C12orf56: variants seen among roughly 807,000 people sequenced by gnomAD.
The protein encoded by C12orf56 is chromosome 12 open reading frame 56, also known as uncharacterized protein C12orf56.
Under a neutral mutation model 69.9 loss-of-function variants are expected in C12orf56, and 71 were observed. The ratio of observed to expected loss-of-function variants is 1.02; its 90% CI spans 0.84 to 1.24. The LOEUF (loss-of-function observed/expected upper bound fraction) is 1.24. C12orf56 is among the 50% of genes most tolerant of loss of function. The probability of loss-of-function intolerance (pLI) is 0.00; values close to 1 mark genes in which losing one functional copy is unlikely to be tolerated. For missense variants in C12orf56, 732 were observed against 738.5 expected (o/e 0.99, Z 0.10); for synonymous variants, 276 against 274.1 (o/e 1.01, Z -0.07).
At chr12:64,375,333 G>A (rs1020775691) in intron 1 of C12orf56, among the ~76,000 whole-genome samples, 2 of 152,170 alleles carry the variant, frequency 1.3e-5, no homozygotes, top group African/African-American at 4.8e-5. Context: ...GGGATTACAG[G>A]CATGAGCCAC....
At chr12:64,330,524 T>G (rs113192600) in intron 3 of C12orf56, among the ~76,000 whole-genome samples, 4 of 152,292 alleles carry the variant, frequency 2.6e-5, no homozygotes, top group African/African-American at 9.6e-5. Context: ...TTGCTCAGAC[T>G]CATTCAGGAC....
intron 1 of C12orf56, among the ~76,000 whole-genome samples, chr12:64,353,409 G>A (rs557190362): frequency 7.1e-4 from 107 of 151,692 alleles, no homozygotes; most frequent in African/African-American, 2.5e-3. Flanking sequence ...CGCCCACCTC[G>A]GCCTCCCACA....
At chr12:64,383,038 C>T (rs537886870) in intron 1 of C12orf56, among the ~76,000 whole-genome samples, 9 of 149,860 alleles carry the variant, frequency 6.0e-5, no homozygotes, top group Admixed American at 2.0e-4. Context: ...GATCTCTGGC[C>T]GGGCGCAGTG....
intron 1 of C12orf56, among the ~76,000 whole-genome samples, chr12:64,371,102 T>C (rs1323403383): frequency 2.6e-5 from 4 of 152,120 alleles, no homozygotes; most frequent in Admixed American, 6.6e-5. Context: ...CAAGGATATG[T>C]TGGAAAAACT....
intron 12 of C12orf56, among the ~76,000 whole-genome samples, chr12:64,269,671 C>A (rs1196156045): frequency 6.6e-6 from 1 of 151,992 alleles, no homozygotes; most frequent in East Asian, 1.9e-4. Context: ...TCACTGCAAC[C>A]TCTGCCTCCT....
chr12:64,328,704 A>T (rs1216096557), intron 3 of C12orf56, among the ~76,000 whole-genome samples: 37 of 37,224 alleles, frequency 9.9e-4, no homozygotes, highest in African/African-American at 3.4e-3. Context: ...AAAAAAAAAA[A>T]AAATATATAT....
At chr12:64,379,153 A>G (rs779943580) in intron 1 of C12orf56, among the ~76,000 whole-genome samples, 1 of 152,094 alleles carries the variant, frequency 6.6e-6, no homozygotes, top group Non-Finnish European at 1.5e-5. Context: ...TGAAGCATTG[A>G]GACTTTGGGG....
chr12:64,333,822 C>T (rs996396930), intron 2 of C12orf56, among the ~76,000 whole-genome samples: 1 of 152,096 alleles, frequency 6.6e-6, no homozygotes, highest in African/African-American at 2.4e-5. Context: ...TTAAATTTCA[C>T]TTTGTAATAA....
intron 2 of C12orf56, among the ~76,000 whole-genome samples, chr12:64,336,171 T>C (rs2038994064): frequency 6.6e-6 from 1 of 152,184 alleles, no homozygotes; most frequent in East Asian, 1.9e-4. Flanking sequence ...GCATTACTGT[T>C]GGCATAATGG....
chr12:64,382,193 C>T (rs573019248), intron 1 of C12orf56, among the ~76,000 whole-genome samples: 13 of 143,360 alleles, frequency 9.1e-5, no homozygotes, highest in South Asian at 2.3e-4. Context: ...AACCAGGAGG[C>T]GGAGTTTATA....
At chr12:64,370,967 T>C (rs2039562687) in intron 1 of C12orf56, among the ~76,000 whole-genome samples, 1 of 151,748 alleles carries the variant, frequency 6.6e-6, no homozygotes, top group Non-Finnish European at 1.5e-5. Context: ...ACCACTACAC[T>C]CCACATTGGG....
In C12orf56 at chr12:64,286,031, G is replaced by A. The variant is rs142365723; in HGVS notation, c.1143C>T (p.Asn381=). The change falls in exon 7 of 13, where the codon AAC becomes AAT. Residue 381 remains asparagine (N), a synonymous_variant. Transcript: ENST00000543942. ...ACTCCGGCAAGTACTCATGAAGTTT[G>A]TTTACTATGAAATAGAAAAGGTCAC... ...KTSDLFYFIV[N]KLHEYLPESR... 267 of 1,608,168 alleles carry A rather than the reference G, an allele frequency of 1.7e-4. 1 individual carries two copies. In the African/African-American group the frequency reaches 3.1e-3, roughly 19 times the overall value.
chr12:64,318,943 T>A lies in C12orf56; in HGVS notation c.526A>T (p.Thr176Ser), dbSNP rs76626278. The A allele has an allele frequency of 2.6e-4, 404 of 1,532,718 alleles. 1 individual carries two copies. The African/African-American group carries it at 5.2e-3, about 20-fold the overall frequency. The allele number at this position is 1,532,718 out of a possible 1,614,324, so 94.9% of individuals were successfully genotyped here. A position where few individuals can be genotyped will look rare whatever the true frequency, so the allele number is the denominator to read the frequency against. ...TTGAGGCCTGGACGAGGACAGAGAG[T>A]TGAGTCCTTGGATGGTGTACTGCTC... ...QESSTPSKDSTLCPRPGLKKL... is the reference protein window; with the variant it reads ...QESSTPSKDSSLCPRPGLKKL... Residue 176 changes from threonine (T) to serine (S), a missense_variant, in exon 4 of 13, where the codon ACT becomes TCT. Transcript: ENST00000543942.
intron 6 of C12orf56, among the ~76,000 whole-genome samples, chr12:64,299,184 T>C (rs1002229493): frequency 6.6e-6 from 1 of 152,204 alleles, no homozygotes; most frequent in African/African-American, 2.4e-5. Context: ...GCTCTCTGTT[T>C]GTCTGTTATT....
At chr12:64,297,830 G>A (rs1216074807) in intron 6 of C12orf56, among the ~76,000 whole-genome samples, 4 of 152,176 alleles carry the variant, frequency 2.6e-5, no homozygotes, top group African/African-American at 7.2e-5. Flanking sequence ...ATTGTGAATA[G>A]TGCTGCAATA....
At chr12:64,306,423 T>G (rs1565747381) in intron 5 of C12orf56, among the ~76,000 whole-genome samples, 2 of 151,472 alleles carry the variant, frequency 1.3e-5, no homozygotes, top group African/African-American at 4.9e-5. Context: ...GGTTTTGTTT[T>G]TTTTTTTTTT....
Position 64,375,144 on chromosome 12 carries a change from G to A in C12orf56, c.252+15170C>T, listed in dbSNP as rs577864311. 7.2e-5 allele frequency among the ~76,000 whole-genome samples: 11 copies of A among 151,736 alleles called. No individual in the cohort carries two copies. In the East Asian group the frequency reaches 9.7e-4, roughly 13 times the overall value. On this transcript the variant is annotated intron_variant, in intron 1 of 12. Coordinates refer to ENST00000543942, the MANE Select transcript of C12orf56 (RefSeq NM_001170633.2). The stretch of plus-strand genomic sequence containing the variant: ...GTGACCATGGTTCACTGCAACCTCC[G>A]CCTCCCAGGTTCAAGCAATTCTCCT...
chr12:64,347,501 G>A (rs1317071936), intron 2 of C12orf56, among the ~76,000 whole-genome samples: 1 of 152,018 alleles, frequency 6.6e-6, no homozygotes, highest in Non-Finnish European at 1.5e-5. Flanking sequence ...GGTCAGGCCA[G>A]TCTCGAACTC....
chr12:64,303,267 T>C (rs2038470299), intron 6 of C12orf56, among the ~76,000 whole-genome samples: 1 of 151,190 alleles, frequency 6.6e-6, no homozygotes, highest in African/African-American at 2.4e-5. Flanking sequence ...AGAGCAAGAC[T>C]GTCTCAAAAA....
Sources: allele counts gnomAD v4.1 joint callset (sites outside exome capture counted in the v4.1 genomes callset), GRCh38; gene constraint gnomAD v4.1.1; transcripts MANE v1.5; gene names NCBI Gene and HGNC (gene_info 2026-07-23, HGNC 2026-07-21).